The following OR6N1 variants were observed in gnomAD, a reference collection of about 807,000 sequenced individuals.
The protein encoded by OR6N1 is olfactory receptor family 6 subfamily N member 1, also known as olfactory receptor 6N1.
For synonymous variants in OR6N1, 170 were observed against 150.7 expected (o/e 1.13, Z -0.94); for missense variants, 394 against 371.7 (o/e 1.06, Z -0.49).
At chr1:158,780,208 G>A in the OR6N1 span, among the ~76,000 whole-genome samples, 2 of 152,260 alleles carry the variant, frequency 1.3e-5, no homozygotes, top group South Asian at 2.1e-4. Context: ...TCAAGAAATA[G>A]TTTTGATCAT....
the OR6N1 span, among the ~76,000 whole-genome samples, chr1:158,787,688 A>G: frequency 1.4e-5 from 2 of 146,272 alleles, no homozygotes; most frequent in African/African-American, 2.6e-5. Flanking sequence ...AATACACACG[A>G]ACATTTTATT....
At chr1:158,813,123 G>A in the OR6N1 span, among the ~76,000 whole-genome samples, 199 of 152,316 alleles carry the variant, frequency 1.3e-3, no homozygotes, top group African/African-American at 4.7e-3. Flanking sequence ...AACATACATT[G>A]TTGGAGAGGC....
chr1:158,825,360 A>G, the OR6N1 span, among the ~76,000 whole-genome samples: 3 of 151,860 alleles, frequency 2.0e-5, no homozygotes, highest in Middle Eastern at 6.8e-3. Context: ...AATGGTGTGA[A>G]CCCAGGAGGC....
chr1:158,820,176 C>T, the OR6N1 span, among the ~76,000 whole-genome samples: 2,345 of 152,306 alleles, frequency 0.015, 32 homozygotes, highest in Non-Finnish European at 0.025. Flanking sequence ...CTTAAGAACT[C>T]CTTAAGCAGT....
In OR6N1 at chr1:158,766,619, C is replaced by A. The variant is rs1345179238; in HGVS notation, c.64G>T (p.Gly22Cys). The A allele has an allele frequency of 1.2e-6, 2 of 1,613,844 alleles. No individual in the cohort carries two copies. The highest frequency in any genetic ancestry group is 1.7e-6 in the Non-Finnish European group (2 of 1,179,982). Residue 22 changes from glycine to cysteine, a missense_variant, in exon 2 of 2, where the codon GGT (glycine) becomes TGT (cysteine). Transcript: ENST00000641846. ...FIILGFPHLQ[G>C]VQIYLFLLLL... ...AAGAGGAAGAGATAAATCTGGACAC[C>A]CTGGAGATGGGGGAAGCCCAAGATG...
the OR6N1 span, among the ~76,000 whole-genome samples, chr1:158,810,623 T>C: frequency 6.6e-6 from 1 of 152,208 alleles, no homozygotes; most frequent in Non-Finnish European, 1.5e-5. Flanking sequence ...CTAGAAGTTT[T>C]GCAAGTCCCA....
the OR6N1 span, among the ~76,000 whole-genome samples, chr1:158,787,588 T>TTCTC: frequency 9.0e-3 from 1,134 of 126,036 alleles, 13 homozygotes; most frequent in African/African-American, 0.034. Flanking sequence ...TGTATATACT[T>TTCTC]TCTCTCTCTC....
chr1:158,767,729 T>A (rs11265067), intron 1 of OR6N1, among the ~76,000 whole-genome samples: 96,329 of 151,992 alleles, frequency 0.63, 31,624 homozygotes, highest in East Asian at 0.91. Context: ...CCTTAAATTC[T>A]TTCTCTTTAC....
the OR6N1 span, among the ~76,000 whole-genome samples, chr1:158,806,200 G>A: frequency 6.6e-6 from 1 of 152,174 alleles, no homozygotes; most frequent in African/African-American, 2.4e-5. Flanking sequence ...GACTCAGACT[G>A]TCAGCAGAAT....
At chr1:158,799,606 C>T in the OR6N1 span, among the ~76,000 whole-genome samples, 1 of 152,184 alleles carries the variant, frequency 6.6e-6, no homozygotes, top group Admixed American at 6.5e-5. Flanking sequence ...AGACATTTAT[C>T]TATTTACCTT....
the OR6N1 span, among the ~76,000 whole-genome samples, chr1:158,820,059 T>C: frequency 1.3e-5 from 2 of 152,252 alleles, no homozygotes; most frequent in African/African-American, 2.4e-5. Flanking sequence ...AAAATATTCC[T>C]TATGGGAAAT....
chr1:158,785,136 G>A, the OR6N1 span, among the ~76,000 whole-genome samples: 1 of 152,096 alleles, frequency 6.6e-6, no homozygotes, highest in Non-Finnish European at 1.5e-5. Flanking sequence ...TTAATGAATA[G>A]ATTTAAACCA....
the OR6N1 span, among the ~76,000 whole-genome samples, chr1:158,789,465 A>G: frequency 2.0e-5 from 3 of 152,026 alleles, no homozygotes; most frequent in African/African-American, 4.8e-5. Flanking sequence ...CCAACAGCCT[A>G]TGAGCATTCC....
chr1:158,794,168 A>C, the OR6N1 span, among the ~76,000 whole-genome samples: 1 of 152,158 alleles, frequency 6.6e-6, no homozygotes, highest in African/African-American at 2.4e-5. Context: ...CTGATTTCCC[A>C]TAGCAGAAGT....
the OR6N1 span, among the ~76,000 whole-genome samples, chr1:158,794,294 G>A: frequency 1.3e-5 from 2 of 152,152 alleles, no homozygotes; most frequent in African/African-American, 4.8e-5. Context: ...TCCCCAACTA[G>A]CCCAGCACTG....
chr1:158,824,859 A>C, the OR6N1 span, among the ~76,000 whole-genome samples: 1 of 152,188 alleles, frequency 6.6e-6, no homozygotes, highest in African/African-American at 2.4e-5. Context: ...AAAACTATAA[A>C]ATCCCCAGCA....
chr1:158,833,003 A>T, the OR6N1 span, among the ~76,000 whole-genome samples: 1 of 152,044 alleles, frequency 6.6e-6, no homozygotes, highest in African/African-American at 2.4e-5. Flanking sequence ...TCTTATTTTT[A>T]AAAAATCTAT....
chr1:158,794,392 C>T, the OR6N1 span, among the ~76,000 whole-genome samples: 3,508 of 152,238 alleles, frequency 0.023, 51 homozygotes, highest in Non-Finnish European at 0.038. Flanking sequence ...GATGATCTCT[C>T]AGTGTGATGC....
At chr1:158,787,635 T>TCACACACACACACACACA in the OR6N1 span, among the ~76,000 whole-genome samples, 6 of 134,310 alleles carry the variant, frequency 4.5e-5, no homozygotes, top group South Asian at 2.5e-4. Context: ...TCTCTCTCTC[T>TCACACACACACACACACA]CACACACACA....
Sources: gnomAD v4.1 joint callset for allele counts (sites outside exome capture counted in the v4.1 genomes callset) on GRCh38, gnomAD v4.1.1 for gene constraint, MANE v1.5 for transcripts, NCBI Gene and HGNC (gene_info 2026-07-23, HGNC 2026-07-21) for gene names.